The following CDK14 variants were observed in gnomAD, a reference collection of about 807,000 sequenced individuals.
CDK14 encodes cyclin dependent kinase 14, also known as cyclin-dependent kinase 14.
Under a neutral mutation model 60.7 loss-of-function variants are expected in CDK14, and 34 were observed. That is an observed-to-expected ratio of 0.56 (90% confidence interval 0.43 to 0.75). The LOEUF (loss-of-function observed/expected upper bound fraction) is 0.75, where lower values mean the gene tolerates loss of function less well. Ranked by LOEUF, CDK14 falls within the 30% of genes least tolerant of loss-of-function variation. The pLI is 0.00. For missense variants in CDK14, 482 were observed against 564.1 expected, an observed-to-expected ratio of 0.85 and a Z score of 1.47; for synonymous variants, 197 against 203.7, an observed-to-expected ratio of 0.97 and a Z score of 0.28.
intron 10 of CDK14, among the ~76,000 whole-genome samples, chr7:90,995,208 C>T (rs768511632): frequency 7.9e-5 from 12 of 152,280 alleles, no homozygotes; most frequent in South Asian, 2.1e-4. Context: ...CTTACCGGCT[C>T]GCTCTGAGGG....
intron 14 of CDK14, among the ~76,000 whole-genome samples, chr7:91,182,767 A>AC (rs1484474814): frequency 1.3e-5 from 2 of 152,208 alleles, no homozygotes; most frequent in Non-Finnish European, 2.9e-5. Context: ...AATGGAAAGC[A>AC]CTTTTTCTTA....
intron 10 of CDK14, among the ~76,000 whole-genome samples, chr7:91,005,610 G>GTC (rs1403768188): frequency 2.0e-5 from 3 of 152,208 alleles, no homozygotes; most frequent in Admixed American, 2.0e-4. Context: ...ATAGCTCCTA[G>GTC]TCCAAGCAAG....
intron 8 of CDK14, among the ~76,000 whole-genome samples, chr7:90,951,367 A>G (rs557245757): frequency 5.3e-5 from 8 of 152,206 alleles, no homozygotes; most frequent in African/African-American, 1.4e-4. Context: ...GCTTTGGCCC[A>G]TTTTCTGGAA....
intron 14 of CDK14, among the ~76,000 whole-genome samples, chr7:91,132,008 G>GGTTGGTTA (rs1213546817): frequency 1.1e-4 from 16 of 151,884 alleles, no homozygotes; most frequent in African/African-American, 3.9e-4. Flanking sequence ...TTTGTTGGTT[G>GGTTGGTTA]GTTGGTTGGT....
At chr7:91,193,857 G>A (rs767946976) in intron 14 of CDK14, among the ~76,000 whole-genome samples, 8 of 152,026 alleles carry the variant, frequency 5.3e-5, no homozygotes, top group South Asian at 2.1e-4. Flanking sequence ...TGTCAGATTC[G>A]TTACTCACAG....
chr7:91,179,830 T>A (rs1288892838), intron 14 of CDK14, among the ~76,000 whole-genome samples: 1 of 152,156 alleles, frequency 6.6e-6, no homozygotes, highest in African/African-American at 2.4e-5. Context: ...CTTTTATTTT[T>A]AATAATTATT....
At chr7:90,734,511 T>C (rs1803007509) in intron 3 of CDK14, among the ~76,000 whole-genome samples, 2 of 152,206 alleles carry the variant, frequency 1.3e-5, no homozygotes, top group Non-Finnish European at 2.9e-5. Context: ...TTTGCTTCTT[T>C]TCACTCTTTT....
chr7:91,158,197 ATATAT>A (rs927140163), intron 14 of CDK14, among the ~76,000 whole-genome samples: 28 of 148,428 alleles, frequency 1.9e-4, no homozygotes, highest in South Asian at 4.2e-4. Flanking sequence ...AATATATATA[ATATAT>A]TATATGTTTG....
chr7:90,668,107 C>T (rs1801022876), intron 2 of CDK14, among the ~76,000 whole-genome samples: 1 of 152,102 alleles, frequency 6.6e-6, no homozygotes, highest in South Asian at 2.1e-4. Context: ...AATCATTTTC[C>T]AAAGTGATTG....
chr7:90,650,395 C>A lies in CDK14; in HGVS notation c.123+46146C>A, dbSNP rs529344832. The stretch of plus-strand genomic sequence containing the variant: ...ATGGGTAGATTGCAAAATTTTTCTC[C>A]CATTCTGGAGGTTGCCTTTTCACTC... On this transcript the variant is annotated intron_variant, in intron 2 of 14. Coordinates refer to ENST00000380050, the MANE Select transcript of CDK14 (RefSeq NM_001287135.2). 3.3e-5 allele frequency among the ~76,000 whole-genome samples: 5 copies of A among 151,864 alleles called. No individual in the cohort carries two copies. The South Asian group carries it at 8.4e-4, about 26-fold the overall frequency.
intron 2 of CDK14, among the ~76,000 whole-genome samples, chr7:90,641,564 A>G (rs2116443153): frequency 6.6e-6 from 1 of 152,298 alleles, no homozygotes; most frequent in East Asian, 1.9e-4. Flanking sequence ...TGAAATGTCC[A>G]AAATAGGTAA....
chr7:90,629,493 A>G (rs960857488), intron 2 of CDK14, among the ~76,000 whole-genome samples: 40 of 152,244 alleles, frequency 2.6e-4, no homozygotes, highest in African/African-American at 8.7e-4. Context: ...AGTGGGTCTC[A>G]GTAGGAGTGG....
chr7:90,996,514 AC>A (rs1446005012), intron 10 of CDK14, among the ~76,000 whole-genome samples: 2 of 152,188 alleles, frequency 1.3e-5, no homozygotes, highest in East Asian at 3.8e-4. Flanking sequence ...AAAATAATCT[AC>A]CCAAGTCATT....
chr7:91,024,225 C>T (rs983284689), intron 10 of CDK14, among the ~76,000 whole-genome samples: 2 of 152,060 alleles, frequency 1.3e-5, no homozygotes, highest in Non-Finnish European at 2.9e-5. Flanking sequence ...TCATGTATTA[C>T]CTTATTTAAT....
At chr7:90,703,182 G>T (rs1801826398) in intron 2 of CDK14, among the ~76,000 whole-genome samples, 1 of 152,048 alleles carries the variant, frequency 6.6e-6, no homozygotes, top group South Asian at 2.1e-4. Context: ...TTTTCTCAGT[G>T]CCATTTGCCT....
intron 12 of CDK14, among the ~76,000 whole-genome samples, chr7:91,109,760 G>A (rs183720941): frequency 1.6e-3 from 237 of 152,022 alleles, no homozygotes; most frequent in Middle Eastern, 3.4e-3. Context: ...GGTAACAAAA[G>A]GTATGGCAGG....
At chr7:90,770,146 A>G (rs1352630131) in intron 4 of CDK14, among the ~76,000 whole-genome samples, 1 of 152,226 alleles carries the variant, frequency 6.6e-6, no homozygotes, top group African/African-American at 2.4e-5. Flanking sequence ...AGGGATGCTA[A>G]TGTCCTGTTT....
intron 14 of CDK14, among the ~76,000 whole-genome samples, chr7:91,142,827 T>C (rs990441214): frequency 2.6e-5 from 4 of 152,164 alleles, no homozygotes; most frequent in Non-Finnish European, 5.9e-5. Flanking sequence ...AAGATCTCCT[T>C]GAAAATAAGT....
At chr7:90,640,804 C>A (rs548505717) in intron 2 of CDK14, among the ~76,000 whole-genome samples, 25 of 151,910 alleles carry the variant, frequency 1.6e-4, no homozygotes, top group African/African-American at 5.1e-4. Flanking sequence ...TAATATTATT[C>A]TTTTAAATGT....
Sources: allele counts gnomAD v4.1 joint callset (sites outside exome capture counted in the v4.1 genomes callset), GRCh38; gene constraint gnomAD v4.1.1; transcripts MANE v1.5; gene names NCBI Gene and HGNC (gene_info 2026-07-23, HGNC 2026-07-21).